DEUP1: variants seen among roughly 807,000 people sequenced by gnomAD.
DEUP1 encodes the protein deuterosome assembly protein 1.
Under a neutral mutation model 87.4 loss-of-function variants are expected in DEUP1, and 82 were observed. The ratio of observed to expected loss-of-function variants is 0.94; its 90% CI spans 0.78 to 1.13. DEUP1 has a LOEUF of 1.13. Among genes scored for constraint, DEUP1 ranks in the 50% most tolerant of loss-of-function variants. The pLI, the probability that DEUP1 is intolerant of heterozygous loss-of-function variation, is 0.00. For synonymous variants in DEUP1, 214 were observed against 222.7 expected (o/e 0.96, Z 0.35); for missense variants, 663 against 681.5 (o/e 0.97, Z 0.30).
At chr11:93,436,623 C>G (rs1948256063) in intron 13 of DEUP1, among the ~76,000 whole-genome samples, 1 of 152,148 alleles carries the variant, frequency 6.6e-6, no homozygotes, top group Non-Finnish European at 1.5e-5. Flanking sequence ...TGCATGATCC[C>G]TAGTTTTGGC....
chr11:93,407,325 G>T (rs1390632686), intron 11 of DEUP1, among the ~76,000 whole-genome samples: 1 of 152,092 alleles, frequency 6.6e-6, no homozygotes, highest in African/African-American at 2.4e-5. Flanking sequence ...TTGTAGCCTA[G>T]AAACAATAGG....
chr11:93,332,951 A>C (rs1943565519), intron 2 of DEUP1, among the ~76,000 whole-genome samples: 2 of 152,140 alleles, frequency 1.3e-5, no homozygotes, highest in Admixed American at 1.3e-4. Context: ...ATAGTGCCTA[A>C]TCTTGATTGC....
At chr11:93,333,123 C>A (rs920840159) in intron 2 of DEUP1, among the ~76,000 whole-genome samples, 4 of 152,180 alleles carry the variant, frequency 2.6e-5, no homozygotes, top group African/African-American at 7.2e-5. Flanking sequence ...CTTACAACAG[C>A]CCTGCTAGGT....
At chr11:93,337,826 A>T (rs1347167973) in intron 2 of DEUP1, among the ~76,000 whole-genome samples, 1 of 152,258 alleles carries the variant, frequency 6.6e-6, no homozygotes, top group Non-Finnish European at 1.5e-5. Flanking sequence ...TTAAGGAAAG[A>T]TGAAAAAGTA....
chr11:93,332,927 G>A (rs956022315), intron 2 of DEUP1, among the ~76,000 whole-genome samples: 7 of 152,210 alleles, frequency 4.6e-5, no homozygotes, highest in Non-Finnish European at 1.0e-4. Flanking sequence ...ATGAAGGGGT[G>A]AAGGGGTGGT....
intron 5 of DEUP1, among the ~76,000 whole-genome samples, chr11:93,366,604 T>C (rs1945430457): frequency 6.6e-6 from 1 of 152,200 alleles, no homozygotes; most frequent in Non-Finnish European, 1.5e-5. Flanking sequence ...GCTGACTCGC[T>C]AGTTGTGAAA....
chr11:93,343,454 G>A (rs1944178837), intron 2 of DEUP1, among the ~76,000 whole-genome samples: 2 of 152,092 alleles, frequency 1.3e-5, no homozygotes, highest in African/African-American at 2.4e-5. Flanking sequence ...ATGTCAATAT[G>A]CAATAGGAAT....
intron 11 of DEUP1, among the ~76,000 whole-genome samples, chr11:93,399,828 A>T (rs10831033): frequency 0.25 from 38,100 of 151,470 alleles, 5,145 homozygotes; most frequent in Middle Eastern, 0.38. Flanking sequence ...TTTCTTTTTG[A>T]TCATATACCA....
chr11:93,385,364 A>G (rs532495461), intron 7 of DEUP1, 34 bp from the exon 8 acceptor site: 1 of 1,607,880 alleles, frequency 6.2e-7, no homozygotes, highest in South Asian at 1.1e-5. Context: ...GATAACCAAC[A>G]ATGAGCATGA....
At chr11:93,394,292 G>A (rs1946867639) in intron 9 of DEUP1, among the ~76,000 whole-genome samples, 167 bp from the exon 10 acceptor site, 1 of 152,158 alleles carries the variant, frequency 6.6e-6, no homozygotes, top group Admixed American at 6.5e-5. Flanking sequence ...AAGGTAATGA[G>A]TCATTATTAT....
At chr11:93,371,960 G>C (rs11020284) in intron 7 of DEUP1, among the ~76,000 whole-genome samples, 1 of 142,204 alleles carries the variant, frequency 7.0e-6, no homozygotes, top group Non-Finnish European at 1.5e-5. Context: ...ACGGAGTCTC[G>C]CTCTGTCGCC....
intron 13 of DEUP1, among the ~76,000 whole-genome samples, chr11:93,417,842 A>C (rs1398854813): frequency 6.6e-6 from 1 of 152,216 alleles, no homozygotes; most frequent in Non-Finnish European, 1.5e-5. Context: ...AATATAGATC[A>C]ATGGAACATA....
intron 9 of DEUP1, among the ~76,000 whole-genome samples, chr11:93,391,520 C>T (rs1416966516): frequency 7.9e-5 from 12 of 151,766 alleles, no homozygotes; most frequent in Non-Finnish European, 4.4e-5. Context: ...CCATCCTGGC[C>T]AATATGGTGA....
intron 13 of DEUP1, among the ~76,000 whole-genome samples, chr11:93,430,527 A>G (rs1013059162): frequency 2.0e-5 from 3 of 152,234 alleles, no homozygotes; most frequent in Non-Finnish European, 2.9e-5. Context: ...GAAATAGCCA[A>G]ATAGGTAAAT....
chr11:93,393,800 T>C (rs1482068994), intron 9 of DEUP1, among the ~76,000 whole-genome samples: 1 of 151,898 alleles, frequency 6.6e-6, no homozygotes, highest in Non-Finnish European at 1.5e-5. Context: ...TTAAAAGAGG[T>C]TGAAATAGAA....
At chr11:93,376,890 G>A (rs143860760) in intron 7 of DEUP1, among the ~76,000 whole-genome samples, 2,246 of 152,194 alleles carry the variant, frequency 0.015, 28 homozygotes, top group Non-Finnish European at 0.026. Flanking sequence ...TGATCATTTG[G>A]GAGCAGGTTA....
At chr11:93,373,232 C>T (rs1945825333) in intron 7 of DEUP1, among the ~76,000 whole-genome samples, 1 of 152,114 alleles carries the variant, frequency 6.6e-6, no homozygotes, top group Non-Finnish European at 1.5e-5. Context: ...GGCAGGGGAA[C>T]AGGTGGTGGT....
rs1175069425 is a variant in DEUP1, at chr11:93,357,052, A to G, written c.297+9A>G. 2 of 1,464,842 alleles carry G rather than the reference A, an allele frequency of 1.4e-6. No homozygotes were observed. Among genetic ancestry groups the G allele is most frequent in the South Asian group, 2.6e-5 (2 of 76,900 alleles). The allele number at this position is 1,464,842 out of a possible 1,614,324, so 90.7% of individuals were successfully genotyped here. A position where few individuals can be genotyped will look rare whatever the true frequency, so the allele number is the denominator to read the frequency against. On this transcript the variant is annotated intron_variant, in intron 4 of 13. Coordinates refer to ENST00000298050, the MANE Select transcript of DEUP1 (RefSeq NM_181645.4). Reference sequence around the variant, plus strand: ...AAAGCCTAAAGGCTCAAGTAAGAAAACTTATTATAATTTAATATCACACAT... The same window carrying G: ...AAAGCCTAAAGGCTCAAGTAAGAAAGCTTATTATAATTTAATATCACACAT...
chr11:93,389,239 T>C (rs1231880561), intron 9 of DEUP1, 114 bp downstream of exon 9: 5 of 671,924 alleles, frequency 7.4e-6, no homozygotes, highest in African/African-American at 3.8e-5. Flanking sequence ...TGTATTTTTT[T>C]GTAAGGTGAT....
Sources: allele counts gnomAD v4.1 joint callset (sites outside exome capture counted in the v4.1 genomes callset), GRCh38; gene constraint gnomAD v4.1.1; transcripts MANE v1.5; gene names NCBI Gene and HGNC (gene_info 2026-07-23, HGNC 2026-07-21).